Variants in TMED3 observed in about 807,000 individuals in gnomAD.
The protein encoded by TMED3 is transmembrane emp24 domain-containing protein 3.
A neutral mutation model predicts 15.0 loss-of-function variants in TMED3; 9 were observed. The observed-to-expected ratio is 0.60, with a 90% CI of 0.36 to 1.04. The LOEUF is 1.04. Among genes scored for constraint, TMED3 ranks in the 50% least tolerant of loss-of-function variants. The pLI, the probability that TMED3 is intolerant of heterozygous loss-of-function variation, is 0.01. For missense variants in TMED3, 267 were observed against 278.9 expected (o/e 0.96, Z 0.30); for synonymous variants, 117 against 121.4 (o/e 0.96, Z 0.24).
Position 79,356,543 on chromosome 15 carries a change from A to G in TMED3, c.417+42538A>G, listed in dbSNP as rs188312741. On this transcript the variant is annotated intron_variant, in intron 2 of 2. Coordinates refer to the TMED3 transcript ENST00000424155. ...GCCCCTGCTGTCATGAAATTTCCAGAAGAAGAAAATGAACAACAAACACAT... is the reference window on the plus strand; with the variant it reads ...GCCCCTGCTGTCATGAAATTTCCAGGAGAAGAAAATGAACAACAAACACAT... Among the ~76,000 whole-genome samples, 261 of 152,328 alleles carry G rather than the reference A, an allele frequency of 1.7e-3. 1 individual carries two copies. The highest frequency in any genetic ancestry group is 0.01 in the Middle Eastern group (3 of 294).
intron 2 of TMED3, among the ~76,000 whole-genome samples, chr15:79,329,159 G>A (rs185797952): frequency 2.0e-5 from 3 of 152,302 alleles, no homozygotes; most frequent in East Asian, 3.9e-4. Flanking sequence ...TTTCTTCTGT[G>A]ATTTTCTCTG....
At chr15:79,356,610 T>C (rs2058920122) in intron 2 of TMED3, among the ~76,000 whole-genome samples, 1 of 152,152 alleles carries the variant, frequency 6.6e-6, no homozygotes, top group Non-Finnish European at 1.5e-5. Context: ...AGTGCAGTGC[T>C]GTGATGGAGA....
intron 2 of TMED3, among the ~76,000 whole-genome samples, chr15:79,332,654 A>T (rs1040074630): frequency 2.0e-5 from 3 of 152,194 alleles, no homozygotes; most frequent in African/African-American, 7.2e-5. Flanking sequence ...CGGCAGGCCC[A>T]TTCTCGCTTA....
intron 2 of TMED3, among the ~76,000 whole-genome samples, chr15:79,378,819 A>AT (rs1567036260): frequency 6.6e-6 from 1 of 152,114 alleles, no homozygotes; most frequent in Non-Finnish European, 1.5e-5. Flanking sequence ...TATCTATTCT[A>AT]TTTTTTCATT....
chr15:79,407,921 C>T (rs1893922366), intron 2 of TMED3, among the ~76,000 whole-genome samples: 1 of 152,148 alleles, frequency 6.6e-6, no homozygotes, highest in Admixed American at 6.5e-5. Flanking sequence ...TGGTAGAGAA[C>T]CAGATTGGTT....
chr15:79,363,503 C>CAAAAAAAAAAAAAAAAAA (rs10676974), intron 2 of TMED3, among the ~76,000 whole-genome samples: 1 of 125,334 alleles, frequency 8.0e-6, no homozygotes, highest in Non-Finnish European at 1.7e-5. Flanking sequence ...TACAATGACT[C>CAAAAAAAAAAAAAAAAAA]AAAAAAAAAA....
chr15:79,311,134 G>C lies in TMED3; in HGVS notation c.-116G>C, dbSNP rs937914365. On this transcript the variant is annotated 5_prime_UTR_variant, in exon 1 of 3. Coordinates refer to ENST00000299705, the MANE Select transcript of TMED3 (RefSeq NM_007364.4). ...GGCCCTCCCGGAAGCGCAGAGCTCC[G>C]CTGGTGCCACGTCTATCCCCTTACA... The C allele has an allele frequency of 4.2e-6, 5 of 1,200,144 alleles. No homozygotes were observed. The African/African-American group carries it at 8.0e-5, about 19-fold the overall frequency. The allele number at this position is 1,200,144 out of a possible 1,614,324, so 74.3% of individuals were successfully genotyped here. A position where few individuals can be genotyped will look rare whatever the true frequency, so the allele number is the denominator to read the frequency against.
intron 2 of TMED3, among the ~76,000 whole-genome samples, chr15:79,344,568 A>G (rs1040129467): frequency 2.0e-5 from 3 of 152,126 alleles, no homozygotes; most frequent in African/African-American, 7.2e-5. Context: ...AGGATTTGTC[A>G]TTGGATTTAG....
chr15:79,322,277 C>G lies in TMED3; in HGVS notation c.*63C>G. 6.4e-7 allele frequency: 1 copy of G among 1,559,484 alleles called. No homozygotes were observed. Among genetic ancestry groups the G allele is most frequent in the South Asian group, 1.2e-5 (1 of 81,948 alleles). On this transcript the variant is annotated 3_prime_UTR_variant, in exon 3 of 3. Coordinates refer to ENST00000299705, the MANE Select transcript of TMED3 (RefSeq NM_007364.4). ...CTGGAGCAGCTCTCCTAGGTCACAG[C>G]CTGCTGGGCTGGGTCGCGTAGCCCA...
At position 79,311,263 on chromosome 15, in the gene TMED3, T is replaced by G. The variant is rs1373975672; in HGVS notation, c.14T>G (p.Val5Gly). Residue 5 changes from valine (V) to glycine (G), a missense_variant, in exon 1 of 3, where the codon GTC (valine) becomes GGC (glycine). By Grantham distance (109) the Val-to-Gly change is moderately radical (BLOSUM62 -3). Around this residue, in one of 3 missense-constraint regions of TMED3, gnomAD observed 59 missense variants for 47.0 expected, o/e 1.26. Coordinates refer to ENST00000299705, the MANE Select transcript of TMED3 (RefSeq NM_007364.4). ...ACCGAGAGCATCATGGGCAGCACTG[T>G]CCCGCGCTCCGCCTCCGTGCTGCTT... MGST[V>G]PRSASVLLLL... The G allele has an allele frequency of 5.6e-6, 9 of 1,601,626 alleles. No individual in the cohort carries two copies. Among genetic ancestry groups the G allele is most frequent in the Non-Finnish European group, 7.7e-6 (9 of 1,176,258 alleles).
chr15:79,312,073 C>T (rs1458217925), intron 1 of TMED3, among the ~76,000 whole-genome samples: 2 of 152,192 alleles, frequency 1.3e-5, no homozygotes, highest in African/African-American at 2.4e-5. Context: ...GTGACAGGAG[C>T]AGGTCTTGAG....
At chr15:79,375,643 A>G (rs1893410962) in intron 2 of TMED3, among the ~76,000 whole-genome samples, 1 of 152,138 alleles carries the variant, frequency 6.6e-6, no homozygotes, top group South Asian at 2.1e-4. Flanking sequence ...AGGAGGTGCC[A>G]CATACTTTTA....
intron 2 of TMED3, among the ~76,000 whole-genome samples, chr15:79,343,337 C>T (rs903056021): frequency 6.6e-6 from 1 of 152,192 alleles, no homozygotes; most frequent in Non-Finnish European, 1.5e-5. Flanking sequence ...CTAATCTGTT[C>T]TCCATCTGCG....
chr15:79,345,447 G>A (rs984179190), intron 2 of TMED3, among the ~76,000 whole-genome samples: 1 of 152,124 alleles, frequency 6.6e-6, no homozygotes, highest in Non-Finnish European at 1.5e-5. Context: ...ATGACCTCCA[G>A]CTCCATCCGT....
At chr15:79,402,732 G>A (rs1212928801) in intron 2 of TMED3, among the ~76,000 whole-genome samples, 1 of 152,102 alleles carries the variant, frequency 6.6e-6, no homozygotes, top group Non-Finnish European at 1.5e-5. Context: ...GTTGCAGTGA[G>A]CCGAGATCGT....
chr15:79,345,251 G>C (rs750835211), intron 2 of TMED3, among the ~76,000 whole-genome samples: 9 of 152,096 alleles, frequency 5.9e-5, no homozygotes, highest in Non-Finnish European at 1.3e-4. Context: ...TCATCACCCA[G>C]ATATTAAGCC....
At chr15:79,328,237 T>G (rs1278654665) in intron 2 of TMED3, among the ~76,000 whole-genome samples, 2 of 152,234 alleles carry the variant, frequency 1.3e-5, no homozygotes, top group Non-Finnish European at 2.9e-5. Context: ...AAGTCACGGC[T>G]GATCCTCTTA....
chr15:79,400,592 A>G (rs765962037), intron 2 of TMED3, among the ~76,000 whole-genome samples: 1 of 152,230 alleles, frequency 6.6e-6, no homozygotes, highest in African/African-American at 2.4e-5. Flanking sequence ...AATGTTCACT[A>G]TTACACCTAC....
chr15:79,345,079 A>G (rs1041967840), intron 2 of TMED3, among the ~76,000 whole-genome samples: 3 of 152,234 alleles, frequency 2.0e-5, no homozygotes, highest in Non-Finnish European at 4.4e-5. Context: ...CACCAACTCA[A>G]TAGAAAGACT....
Sources: allele counts gnomAD v4.1 joint callset (sites outside exome capture counted in the v4.1 genomes callset), GRCh38; gene constraint gnomAD v4.1.1; regional missense constraint gnomAD v4.1.1; transcripts MANE v1.5; gene names NCBI Gene and HGNC (gene_info 2026-07-23, HGNC 2026-07-21).